The following PARD3B variants were observed in gnomAD, a reference collection of about 807,000 sequenced individuals.
PARD3B encodes par-3 family cell polarity regulator beta.
Under a neutral mutation model 130.2 loss-of-function variants are expected in PARD3B, and 103 were observed. The observed-to-expected ratio is 0.79, with a 90% confidence interval of 0.67 to 0.93. The LOEUF (loss-of-function observed/expected upper bound fraction) is 0.93. Ranked by LOEUF, PARD3B falls within the 40% of genes least tolerant of loss-of-function variation. The pLI, the probability that PARD3B is intolerant of heterozygous loss-of-function variation, is 0.00. For missense variants in PARD3B, 1,609 were observed against 1,499.2 expected (o/e 1.07, Z -1.21); for synonymous variants, 583 against 553.2 (o/e 1.05, Z -0.76).
At chr2:204,735,363 ATTG>A (rs1559100769) in intron 2 of PARD3B, among the ~76,000 whole-genome samples, 2 of 152,102 alleles carry the variant, frequency 1.3e-5, no homozygotes, top group Non-Finnish European at 2.9e-5. Context: ...TCTTGTTCAT[ATTG>A]TTTAATTTGA....
At chr2:205,136,062 C>T (rs1008219716) in intron 10 of PARD3B, among the ~76,000 whole-genome samples, 2 of 152,120 alleles carry the variant, frequency 1.3e-5, no homozygotes, top group Admixed American at 6.6e-5. Flanking sequence ...ATGATGTTTC[C>T]TTGCCACTGA....
At chr2:205,004,992 C>A (rs1169433271) in intron 3 of PARD3B, among the ~76,000 whole-genome samples, 1 of 152,154 alleles carries the variant, frequency 6.6e-6, no homozygotes, top group Non-Finnish European at 1.5e-5. Context: ...TTAAGCATCA[C>A]TTTCATACTC....
chr2:204,622,478 C>T (rs60273730), intron 1 of PARD3B, among the ~76,000 whole-genome samples: 2,064 of 152,172 alleles, frequency 0.014, 44 homozygotes, highest in African/African-American at 0.044. Flanking sequence ...AAAGAGCTCA[C>T]GTGTTTGAGC....
intron 1 of PARD3B, among the ~76,000 whole-genome samples, chr2:204,591,639 G>A (rs376978513): frequency 2.6e-5 from 4 of 152,184 alleles, no homozygotes; most frequent in African/African-American, 9.7e-5. Context: ...TTGGGGCCAG[G>A]GGCTAAGGTT....
At position 205,592,616 on chromosome 2, in the gene PARD3B, T is replaced by C. The variant is rs974293293; in HGVS notation, c.3261-22840T>C. On this transcript the variant is annotated intron_variant, in intron 22 of 22. Coordinates refer to ENST00000406610, the MANE Select transcript of PARD3B (RefSeq NM_001302769.2). The surrounding 1 kb of genome is among the most constrained non-coding windows in gnomAD (Gnocchi z 4.5). ...CAGAATGTTTCCCATACAACTATAA[T>C]GCCTGCGTTATATTTAAGGTTTTTC... is the stretch of plus-strand genomic sequence containing the variant. 6.6e-6 allele frequency among the ~76,000 whole-genome samples: 1 copy of C among 152,248 alleles called. No individual in the cohort carries two copies. Among genetic ancestry groups the C allele is most frequent in the Non-Finnish European group, 1.5e-5 (1 of 68,046 alleles).
At chr2:204,591,853 G>A (rs2033085690) in intron 1 of PARD3B, among the ~76,000 whole-genome samples, 1 of 152,198 alleles carries the variant, frequency 6.6e-6, no homozygotes, top group Non-Finnish European at 1.5e-5. Context: ...TGTACACGAT[G>A]AATTTAAAAT....
chr2:204,586,479 G>C (rs1459456643), intron 1 of PARD3B, among the ~76,000 whole-genome samples: 6 of 152,172 alleles, frequency 3.9e-5, no homozygotes, highest in Admixed American at 3.9e-4. Flanking sequence ...GTTGCCGAAG[G>C]CTACCAGCAA....
Position 205,158,800 on chromosome 2 carries a change from G to C in PARD3B, c.1513G>C (p.Gly505Arg). 1 of 1,614,168 alleles carries C rather than the reference G, an allele frequency of 6.2e-7. No individual in the cohort carries two copies. The highest frequency in any genetic ancestry group is 8.5e-7 in the Non-Finnish European group (1 of 1,180,014). Residue 505 changes from glycine to arginine, a missense_variant, in exon 11 of 23, where the codon GGT (glycine) becomes CGT (arginine). By Grantham distance (125) the Gly-to-Arg change is moderately radical. Transcript: ENST00000406610. The surrounding 1 kb of genome is among the most constrained non-coding windows in gnomAD (Gnocchi z 5.4). ...CTTTGAGATCCCCCTGAATGATTCA[G>C]GTTCTGCTGGCCTCGGGGTGAGCTT... Reference protein sequence around the residue: ...LTFEIPLNDSGSAGLGVSLKG... With the variant: ...LTFEIPLNDSRSAGLGVSLKG...
chr2:204,607,984 G>A (rs1013912615), intron 1 of PARD3B, among the ~76,000 whole-genome samples: 17 of 152,118 alleles, frequency 1.1e-4, no homozygotes, highest in African/African-American at 4.1e-4. Flanking sequence ...ATGCCCATGT[G>A]CACACCCTGT....
intron 22 of PARD3B, among the ~76,000 whole-genome samples, chr2:205,607,914 C>T (rs185841359): frequency 2.8e-4 from 42 of 151,236 alleles, no homozygotes; most frequent in African/African-American, 8.5e-4. Flanking sequence ...AAGTCTCCTT[C>T]GTTGTACTCC....
chr2:204,826,853 C>T (rs113024371), intron 2 of PARD3B, among the ~76,000 whole-genome samples: 2,580 of 152,148 alleles, frequency 0.017, 65 homozygotes, highest in African/African-American at 0.057. Flanking sequence ...GACTCTTTCT[C>T]TACAAAAATT....
chr2:204,823,939 C>CA (rs5837938), intron 2 of PARD3B, among the ~76,000 whole-genome samples: 21,342 of 108,852 alleles, frequency 0.2, 2,488 homozygotes, highest in African/African-American at 0.38. Flanking sequence ...GACTCAGTCT[C>CA]AAAAAAAAAA....
Position 205,301,638 on chromosome 2 carries a change from G to A in PARD3B, c.2567G>A (p.Arg856His), listed in dbSNP as rs202062600. Reference protein sequence around the residue: ...KGKLKVKEKKRKEENEDPERK... With the variant: ...KGKLKVKEKKHKEENEDPERK... ...AAATTGAAAGTCAAGGAGAAAAAGC[G>A]CAAAGAGGAGAATGAAGATCCAGAA... is the stretch of plus-strand genomic sequence containing the variant. Residue 856 changes from arginine (R) to histidine (H), a missense_variant, in exon 18 of 23, where the codon CGC becomes CAC. Physicochemically the swap from Arg to His is conservative, Grantham distance 29. Transcript: ENST00000406610. The surrounding 1 kb of genome is among the most constrained non-coding windows in gnomAD (Gnocchi z 5.2). 9.3e-6 allele frequency: 15 copies of A among 1,613,052 alleles called. No homozygotes were observed. Among genetic ancestry groups the A allele is most frequent in the African/African-American group, 4.0e-5 (3 of 74,968 alleles).
At chr2:205,571,187 C>T (rs970503116) in intron 22 of PARD3B, among the ~76,000 whole-genome samples, 5 of 152,222 alleles carry the variant, frequency 3.3e-5, no homozygotes, top group South Asian at 2.1e-4. Context: ...ATTTAAAGGC[C>T]GCTATATCTT....
chr2:204,679,933 G>A (rs189015117), intron 1 of PARD3B, among the ~76,000 whole-genome samples: 8 of 151,892 alleles, frequency 5.3e-5, no homozygotes, highest in African/African-American at 1.9e-4. Flanking sequence ...AGACATCACT[G>A]AATTTGATTT....
chr2:205,107,340 C>T (rs891267848), intron 5 of PARD3B, among the ~76,000 whole-genome samples: 5 of 152,194 alleles, frequency 3.3e-5, no homozygotes, highest in African/African-American at 1.2e-4. Flanking sequence ...AACTCTGCTA[C>T]TTACTACCTG....
intron 18 of PARD3B, among the ~76,000 whole-genome samples, chr2:205,378,853 A>G (rs942037541): frequency 4.0e-5 from 6 of 151,688 alleles, no homozygotes; most frequent in African/African-American, 7.3e-5. Flanking sequence ...GATGGTCTCA[A>G]TCTCTTGACC....
chr2:204,990,839 A>T (rs1693606291), intron 3 of PARD3B, among the ~76,000 whole-genome samples: 1 of 152,120 alleles, frequency 6.6e-6, no homozygotes, highest in African/African-American at 2.4e-5. Flanking sequence ...AAGTTTCATA[A>T]TTTTGTCTGT....
In PARD3B at chr2:205,193,864, C is replaced by T. The variant is rs558612619; in HGVS notation, c.2140+544C>T. 7.2e-5 allele frequency among the ~76,000 whole-genome samples: 11 copies of T among 152,314 alleles called. No homozygotes were observed. The East Asian group carries it at 9.6e-4, about 13-fold the overall frequency. On this transcript the variant is annotated intron_variant, in intron 15 of 22. Transcript: ENST00000406610. ...CTGGAGGGGAAAAGGGTCTCTTGGG[C>T]GTGCCACACTGAGGGTGTCAAGGTA...
Sources: gnomAD v4.1 joint callset for allele counts (sites outside exome capture counted in the v4.1 genomes callset) on GRCh38, gnomAD v4.1.1 for gene constraint, Gnocchi (gnomAD v3.1) non-coding constraint, MANE v1.5 for transcripts, NCBI Gene and HGNC (gene_info 2026-07-23, HGNC 2026-07-21) for gene names.